Variants in CTNNA3 observed in about 807,000 individuals in gnomAD.
CTNNA3 encodes the protein catenin alpha 3.
A neutral mutation model predicts 95.7 loss-of-function variants in CTNNA3; 76 were observed. The ratio of observed to expected loss-of-function variants is 0.79; its 90% CI spans 0.66 to 0.96. The LOEUF is 0.96. Ranked by LOEUF, CTNNA3 falls within the 40% of genes least tolerant of loss-of-function variation. The pLI, the probability that CTNNA3 is intolerant of heterozygous loss-of-function variation, is 0.00. For synonymous variants in CTNNA3, 431 were observed against 374.4 expected (o/e 1.15, Z -1.74); for missense variants, 1,191 against 1,089.8 (o/e 1.09, Z -1.31).
intron 7 of CTNNA3, among the ~76,000 whole-genome samples, chr10:67,047,853 T>C (rs577475201): frequency 3.9e-4 from 59 of 152,200 alleles, no homozygotes; most frequent in African/African-American, 1.4e-3. Flanking sequence ...TTTCCTGCTC[T>C]TAGTTCAATG....
intron 11 of CTNNA3, among the ~76,000 whole-genome samples, chr10:66,439,654 A>G (rs1217160020): frequency 6.6e-6 from 1 of 152,218 alleles, no homozygotes; most frequent in Non-Finnish European, 1.5e-5. Context: ...TCAGAGGAAT[A>G]TCCGGCTAAT....
intron 5 of CTNNA3, among the ~76,000 whole-genome samples, chr10:67,329,615 T>A (rs996526978): frequency 2.7e-4 from 41 of 152,192 alleles, no homozygotes; most frequent in Non-Finnish European, 5.9e-5. Flanking sequence ...ACTGTTCTTA[T>A]AAAGTAACTC....
chr10:67,518,034 G>A (rs535488633), intron 5 of CTNNA3, among the ~76,000 whole-genome samples: 11 of 152,090 alleles, frequency 7.2e-5, no homozygotes, highest in Non-Finnish European at 1.5e-4. Flanking sequence ...TATTTCATAG[G>A]ACTTACTTTA....
intron 9 of CTNNA3, among the ~76,000 whole-genome samples, chr10:66,639,762 A>G (rs945246929): frequency 2.0e-5 from 3 of 152,190 alleles, no homozygotes; most frequent in Non-Finnish European, 4.4e-5. Context: ...AACAAGAATC[A>G]TTCTAATACT....
intron 10 of CTNNA3, among the ~76,000 whole-genome samples, chr10:66,610,818 A>G (rs922266426): frequency 6.6e-6 from 1 of 152,138 alleles, no homozygotes; most frequent in African/African-American, 2.4e-5. Flanking sequence ...TTAAAGAGGT[A>G]TCTGTACTCC....
At chr10:66,445,823 C>A (rs994568408) in intron 11 of CTNNA3, among the ~76,000 whole-genome samples, 2 of 152,002 alleles carry the variant, frequency 1.3e-5, no homozygotes, top group African/African-American at 4.8e-5. Context: ...TAACTAAAAT[C>A]AGAGCAGAAC....
In CTNNA3 at chr10:66,995,929, T is replaced by C. The variant is rs1376910499; in HGVS notation, c.1047+184388A>G. Among the ~76,000 whole-genome samples, 3 of 152,236 alleles carry C rather than the reference T, an allele frequency of 2.0e-5. No homozygotes were observed. In the East Asian group the frequency reaches 5.8e-4, roughly 29 times the overall value. ...AGTACTGATATTGCATTAGACATTG[T>C]ATTCAGTGGTTTATTACATTATTGT... On this transcript the variant is annotated intron_variant, in intron 7 of 17. Transcript: ENST00000433211.
At chr10:65,926,944 C>A (rs939571843) in intron 17 of CTNNA3, among the ~76,000 whole-genome samples, 1 of 152,132 alleles carries the variant, frequency 6.6e-6, no homozygotes, top group African/African-American at 2.4e-5. Flanking sequence ...TTGTTCAATT[C>A]AATTTTTAAT....
At chr10:66,027,946 T>C (rs1374556084) in intron 15 of CTNNA3, among the ~76,000 whole-genome samples, 1 of 152,152 alleles carries the variant, frequency 6.6e-6, no homozygotes, top group Admixed American at 6.6e-5. Context: ...GATTAAAGCA[T>C]TTAGAGTCCT....
intron 7 of CTNNA3, among the ~76,000 whole-genome samples, chr10:67,127,046 G>C (rs757599222): frequency 5.3e-5 from 8 of 152,148 alleles, no homozygotes; most frequent in Non-Finnish European, 1.0e-4. Flanking sequence ...CAACTCAAGT[G>C]AGTAAACACT....
chr10:67,456,082 C>A (rs1187549462), intron 5 of CTNNA3, among the ~76,000 whole-genome samples: 2 of 151,976 alleles, frequency 1.3e-5, no homozygotes, highest in Non-Finnish European at 2.9e-5. Flanking sequence ...GAAAACCAAG[C>A]CATGCATAAT....
At chr10:66,170,340 T>A (rs905822330) in intron 13 of CTNNA3, among the ~76,000 whole-genome samples, 2 of 150,590 alleles carry the variant, frequency 1.3e-5, no homozygotes, top group African/African-American at 4.9e-5. Context: ...GCAATTTCTC[T>A]AGAACTTTAT....
In CTNNA3 at chr10:66,280,489, C is replaced by A; in HGVS notation, c.1865G>T (p.Cys622Phe). 1 of 1,604,976 alleles carries A rather than the reference C, an allele frequency of 6.2e-7. No individual in the cohort carries two copies. Reference sequence around the variant, plus strand: ...ACTTACCCGAATCATCATGACTGAACATCTGATATCATGAATTGTATCATA... The same window carrying A: ...ACTTACCCGAATCATCATGACTGAAAATCTGATATCATGAATTGTATCATA... Reference protein sequence around the residue: ...KIYDTIHDIRCSVMMIRTPEE... With the variant: ...KIYDTIHDIRFSVMMIRTPEE... The change falls in exon 13 of 18, where the codon TGT (cysteine) becomes TTT (phenylalanine). Residue 622 changes from cysteine (C) to phenylalanine (F), a missense_variant. Cys to Phe is a radical substitution (Grantham distance 205). Transcript: ENST00000433211.
chr10:67,217,297 T>TA (rs144682601), intron 6 of CTNNA3, among the ~76,000 whole-genome samples: 8,163 of 152,278 alleles, frequency 0.054, 311 homozygotes, highest in African/African-American at 0.11. Flanking sequence ...TAAAAAAGGT[T>TA]AAATGCTCAA....
intron 7 of CTNNA3, among the ~76,000 whole-genome samples, chr10:66,776,886 T>G (rs1423923770): frequency 6.6e-6 from 1 of 152,204 alleles, no homozygotes; most frequent in East Asian, 1.9e-4. Flanking sequence ...CTCAATTTTT[T>G]TTCTATTCCT....
intron 7 of CTNNA3, among the ~76,000 whole-genome samples, chr10:67,169,790 TC>T (rs754774589): frequency 5.9e-5 from 9 of 152,130 alleles, no homozygotes; most frequent in Non-Finnish European, 1.3e-4. Flanking sequence ...CCTAAGAGCT[TC>T]CACACAGCAA....
At chr10:66,597,511 CATATATATATATATATATATATATATAT>C (rs369390875) in intron 10 of CTNNA3, among the ~76,000 whole-genome samples, 54 of 70,978 alleles carry the variant, frequency 7.6e-4, no homozygotes, top group Admixed American at 1.5e-3. Flanking sequence ...TTATTTCATA[CATATATATATATATATATATATATATAT>C]ATATATATAT....
At chr10:67,473,629 A>G (rs971477369) in intron 5 of CTNNA3, among the ~76,000 whole-genome samples, 2 of 152,216 alleles carry the variant, frequency 1.3e-5, no homozygotes, top group Non-Finnish European at 2.9e-5. Context: ...TGGGCCCTAC[A>G]TATTCACAGA....
intron 5 of CTNNA3, among the ~76,000 whole-genome samples, chr10:67,489,960 C>T (rs1005277924): frequency 6.6e-6 from 1 of 151,980 alleles, no homozygotes; most frequent in African/African-American, 2.4e-5. Context: ...GTATCTAGGT[C>T]ATTTCATTCC....
Sources: gnomAD v4.1 joint callset for allele counts (sites outside exome capture counted in the v4.1 genomes callset) on GRCh38, gnomAD v4.1.1 for gene constraint, MANE v1.5 for transcripts, NCBI Gene and HGNC (gene_info 2026-07-23, HGNC 2026-07-21) for gene names.